The following TTC23L variants were observed in gnomAD, a reference collection of about 807,000 sequenced individuals.
TTC23L encodes tetratricopeptide repeat domain 23 like, also known as tetratricopeptide repeat protein 23-like.
In TTC23L, 42 loss-of-function variants were observed where a neutral mutation model predicts 48.1. That is an observed-to-expected ratio of 0.87 (90% confidence interval 0.68 to 1.13). The LOEUF (loss-of-function observed/expected upper bound fraction) is 1.13. TTC23L is among the 50% of genes most tolerant of loss of function. TTC23L has a pLI of 0.00. For missense variants in TTC23L, 391 were observed against 421.0 expected (o/e 0.93, Z 0.62); for synonymous variants, 159 against 157.2 (o/e 1.01, Z -0.09).
intron 8 of TTC23L, among the ~76,000 whole-genome samples, chr5:34,879,292 A>G (rs879810360): frequency 2.6e-5 from 4 of 152,218 alleles, no homozygotes; most frequent in Non-Finnish European, 5.9e-5. Flanking sequence ...TATACATGTA[A>G]CAGAATTGCA....
At chr5:34,912,079 G>T in the TTC23L span, among the ~76,000 whole-genome samples, 15 of 152,284 alleles carry the variant, frequency 9.9e-5, no homozygotes, top group Non-Finnish European at 1.6e-4. Context: ...CTCAGAAATA[G>T]CTTGTTGATT....
chr5:34,908,591 CA>C, the TTC23L span: 2 of 550,996 alleles, frequency 3.6e-6, no homozygotes, highest in Admixed American at 6.8e-5. Flanking sequence ...ATGCCCTCTA[CA>C]AAATGGATTT....
intron 7 of TTC23L, 130 bp downstream of exon 7, chr5:34,867,199 C>A: frequency 1.0e-6 from 1 of 953,026 alleles, no homozygotes; most frequent in Non-Finnish European, 1.6e-6. Context: ...CCCTGACTTT[C>A]CTCCAGATCC....
At chr5:34,914,606 A>T in the TTC23L span, 1 of 1,209,632 alleles carries the variant, frequency 8.3e-7, no homozygotes, top group Non-Finnish European at 1.2e-6. Flanking sequence ...TATGACTATT[A>T]AGTTATTTTG....
At chr5:34,864,585 C>T in intron 6 of TTC23L, 23 bp downstream of exon 6, 1 of 1,598,940 alleles carries the variant, frequency 6.3e-7, no homozygotes, top group Non-Finnish European at 8.5e-7. Context: ...CTTGGAGAAG[C>T]TGAGGCTTTT....
At chr5:34,916,278 A>G in the TTC23L span, 1 of 158,632 alleles carries the variant, frequency 6.3e-6, no homozygotes, top group East Asian at 1.8e-4. Flanking sequence ...ATATACTGCC[A>G]TAGTCAGCCA....
At chr5:34,846,887 G>GTTGC (rs1759246366) in intron 3 of TTC23L, among the ~76,000 whole-genome samples, 1 of 152,006 alleles carries the variant, frequency 6.6e-6, no homozygotes. Context: ...GAAACAGAAG[G>GTTGC]TAGCAGTGGA....
chr5:34,914,082 G>A, the TTC23L span: 3 of 434,730 alleles, frequency 6.9e-6, no homozygotes, highest in Non-Finnish European at 1.4e-5. Context: ...AGATCATGCT[G>A]TGCACTTACG....
chr5:34,860,356 G>A (rs565364524), intron 4 of TTC23L, among the ~76,000 whole-genome samples: 57 of 152,312 alleles, frequency 3.7e-4, no homozygotes, highest in African/African-American at 1.3e-3. Flanking sequence ...AAAACAAGAT[G>A]AGTCCTACTT....
At chr5:34,885,731 AGTGAGGCCCT>A (rs1309649842) in intron 9 of TTC23L, among the ~76,000 whole-genome samples, 1 of 131,500 alleles carries the variant, frequency 7.6e-6, no homozygotes, top group African/African-American at 2.7e-5. Flanking sequence ...TGAGCAACAG[AGTGAGGCCCT>A]GTCTAAAAAA....
At chr5:34,908,896 T>G in the TTC23L span, 2 of 1,612,776 alleles carry the variant, frequency 1.2e-6, no homozygotes, top group East Asian at 4.5e-5. Context: ...ATAGATACCT[T>G]ACAAGATAGG....
intron 10 of TTC23L, among the ~76,000 whole-genome samples, chr5:34,897,086 T>C (rs1356632066): frequency 6.6e-6 from 1 of 152,038 alleles, no homozygotes; most frequent in Non-Finnish European, 1.5e-5. Flanking sequence ...CTCAGGACTT[T>C]TAATATACAA....
chr5:34,868,852 A>T (rs1431891172), intron 7 of TTC23L, 53 bp from the exon 8 acceptor site: 1 of 1,492,818 alleles, frequency 6.7e-7, no homozygotes, highest in Non-Finnish European at 9.2e-7. Context: ...ATCTAAATCC[A>T]CAGTGAACAC....
chr5:34,886,642 A>AT (rs1344048413), intron 9 of TTC23L, among the ~76,000 whole-genome samples: 1 of 152,072 alleles, frequency 6.6e-6, no homozygotes, highest in Non-Finnish European at 1.5e-5. Context: ...GTATATATGT[A>AT]TTTTCCCTTC....
chr5:34,850,969 A>T (rs1160632904), intron 4 of TTC23L, among the ~76,000 whole-genome samples: 1 of 151,822 alleles, frequency 6.6e-6, no homozygotes, highest in Non-Finnish European at 1.5e-5. Context: ...CCAGCTCAAG[A>T]CTCTCTGTTC....
At chr5:34,840,550 G>T in intron 1 of TTC23L, 115 bp from the exon 2 acceptor site, 1 of 826,858 alleles carries the variant, frequency 1.2e-6, no homozygotes, top group Non-Finnish European at 2.1e-6. Flanking sequence ...GTGGATTTAG[G>T]ATGGGTTATA....
intron 10 of TTC23L, among the ~76,000 whole-genome samples, chr5:34,897,422 A>G (rs1216487172): frequency 6.6e-6 from 1 of 152,018 alleles, no homozygotes; most frequent in Non-Finnish European, 1.5e-5. Context: ...TAAAAAAAAT[A>G]CATATATATA....
intron 9 of TTC23L, among the ~76,000 whole-genome samples, chr5:34,889,888 T>C (rs1027239322): frequency 1.3e-5 from 2 of 151,824 alleles, no homozygotes; most frequent in African/African-American, 4.8e-5. Context: ...CGCCAGGCTG[T>C]AGTGCAGTGG....
rs1429325628 is a variant in TTC23L at position 34,850,075 on chromosome 5, G to A, written c.256-110G>A. ...TTAGACACAGGATGAGAAGGAAAGA[G>A]AAGAGAAAAAAGATGACAGGTGAAT... On this transcript the variant is annotated intron_variant, in intron 3 of 10. Transcript: ENST00000505624. 3.9e-6 allele frequency: 5 copies of A among 1,272,486 alleles called. No homozygotes were observed. In the African/African-American group the frequency reaches 7.4e-5, roughly 19 times the overall value. 78.8% of individuals were successfully genotyped at this position (1,272,486 alleles called of 1,614,324 possible). A position where few individuals can be genotyped will look rare whatever the true frequency, so the allele number is the denominator to read the frequency against.
Sources: allele counts gnomAD v4.1 joint callset (sites outside exome capture counted in the v4.1 genomes callset), GRCh38; gene constraint gnomAD v4.1.1; transcripts MANE v1.5; gene names NCBI Gene and HGNC (gene_info 2026-07-23, HGNC 2026-07-21).